The following UNC5D variants were observed in gnomAD, a reference collection of about 807,000 sequenced individuals.
UNC5D encodes the protein netrin receptor UNC5D.
Under a neutral mutation model 105.4 loss-of-function variants are expected in UNC5D, and 39 were observed. That is an observed-to-expected ratio of 0.37 (90% CI 0.29 to 0.48). UNC5D has a LOEUF of 0.48. Among genes scored for constraint, UNC5D ranks in the 20% least tolerant of loss-of-function variants. The probability of loss-of-function intolerance (pLI) is 0.98; values close to 1 mark genes in which losing one functional copy is unlikely to be tolerated. For synonymous variants in UNC5D, 452 were observed against 450.4 expected, an observed-to-expected ratio of 1.00 and a Z score of -0.04; for missense variants, 991 against 1,202.4, an observed-to-expected ratio of 0.82 and a Z score of 2.60.
At chr8:35,397,389 A>G (rs1804173146) in intron 1 of UNC5D, among the ~76,000 whole-genome samples, 1 of 152,228 alleles carries the variant, frequency 6.6e-6, no homozygotes, top group South Asian at 2.1e-4. Flanking sequence ...ACAAAATACA[A>G]GTTCCCAGAT....
At chr8:35,373,013 A>G (rs1412154409) in intron 1 of UNC5D, among the ~76,000 whole-genome samples, 1 of 152,162 alleles carries the variant, frequency 6.6e-6, no homozygotes, top group Admixed American at 6.5e-5. Context: ...GGTTTGCTTT[A>G]GTTTGGGGGC....
intron 13 of UNC5D, among the ~76,000 whole-genome samples, 194 bp downstream of exon 13, chr8:35,751,003 G>A (rs1429279085): frequency 6.6e-6 from 1 of 152,134 alleles, no homozygotes; most frequent in African/African-American, 2.4e-5. Flanking sequence ...GCAATAAAGA[G>A]TTATTCACGC....
chr8:35,622,067 G>A (rs1254835642), intron 4 of UNC5D, among the ~76,000 whole-genome samples: 1 of 152,064 alleles, frequency 6.6e-6, no homozygotes, highest in East Asian at 1.9e-4. Flanking sequence ...GAGGGGGCCG[G>A]GCGCGGTGGC....
intron 1 of UNC5D, among the ~76,000 whole-genome samples, chr8:35,501,850 G>T (rs1454154095): frequency 6.6e-6 from 1 of 152,144 alleles, no homozygotes; most frequent in Non-Finnish European, 1.5e-5. Flanking sequence ...ATAAAACTTT[G>T]TGTGTTGAAG....
At chr8:35,644,975 T>G (rs1283912732) in intron 4 of UNC5D, among the ~76,000 whole-genome samples, 1 of 152,116 alleles carries the variant, frequency 6.6e-6, no homozygotes, top group African/African-American at 2.4e-5. Context: ...TAAATAAAGG[T>G]CTTTGTCTTC....
intron 1 of UNC5D, among the ~76,000 whole-genome samples, chr8:35,529,182 G>T (rs1163442947): frequency 7.5e-6 from 1 of 132,874 alleles, no homozygotes; most frequent in Non-Finnish European, 1.5e-5. Flanking sequence ...ATGGTTTTAG[G>T]TCTAACGTTT....
At chr8:35,306,883 C>A (rs1386833778) in intron 1 of UNC5D, among the ~76,000 whole-genome samples, 1 of 152,066 alleles carries the variant, frequency 6.6e-6, no homozygotes, top group African/African-American at 2.4e-5. Flanking sequence ...CAGATTCATG[C>A]TGTTTCATTG....
rs903713342 is a variant in UNC5D, at chr8:35,593,086, C to A, written c.467-2468C>A. Among the ~76,000 whole-genome samples the A allele has an allele frequency of 5.4e-4, 78 of 144,842 alleles. No individual in the cohort carries two copies. The East Asian group carries it at 9.2e-3, about 17-fold the overall frequency. On this transcript the variant is annotated intron_variant, in intron 3 of 16. Transcript: ENST00000404895. ...ACACACACACACACACACACACACACAAATATGTAAATTATACAAACGTGT... is the reference window on the plus strand; with the variant it reads ...ACACACACACACACACACACACACAAAAATATGTAAATTATACAAACGTGT...
chr8:35,518,151 A>T (rs1813228618), intron 1 of UNC5D, among the ~76,000 whole-genome samples: 1 of 152,184 alleles, frequency 6.6e-6, no homozygotes, highest in Non-Finnish European at 1.5e-5. Context: ...TTTAACCTTG[A>T]CAACAATTAT....
chr8:35,430,702 A>G (rs1179536055), intron 1 of UNC5D, among the ~76,000 whole-genome samples: 1 of 152,164 alleles, frequency 6.6e-6, no homozygotes, highest in African/African-American at 2.4e-5. Context: ...GGGTGGGGGA[A>G]AAACCTCCAC....
At chr8:35,681,192 G>T (rs1220391976) in intron 4 of UNC5D, among the ~76,000 whole-genome samples, 1 of 152,190 alleles carries the variant, frequency 6.6e-6, no homozygotes, top group Non-Finnish European at 1.5e-5. Context: ...TCATGGCAGG[G>T]CAGGGTCTTA....
chr8:35,390,957 G>A (rs1025368511), intron 1 of UNC5D, among the ~76,000 whole-genome samples: 7 of 152,232 alleles, frequency 4.6e-5, no homozygotes, highest in Admixed American at 3.9e-4. Context: ...CAATGTCCAA[G>A]TACTTTAAGG....
chr8:35,579,837 AAACTCTC>A (rs1411374205), intron 3 of UNC5D, among the ~76,000 whole-genome samples: 1 of 152,200 alleles, frequency 6.6e-6, no homozygotes, highest in Non-Finnish European at 1.5e-5. Context: ...CATACTTTCC[AAACTCTC>A]AACCCTCCCA....
At chr8:35,367,631 T>TATAAA (rs559142904) in intron 1 of UNC5D, among the ~76,000 whole-genome samples, 1 of 151,168 alleles carries the variant, frequency 6.6e-6, no homozygotes, top group African/African-American at 2.5e-5. Context: ...AATGGTATAA[T>TATAAA]ATGGCAAATA....
At chr8:35,577,755 T>C (rs1033471705) in intron 3 of UNC5D, among the ~76,000 whole-genome samples, 4 of 152,180 alleles carry the variant, frequency 2.6e-5, no homozygotes, top group Admixed American at 2.0e-4. Context: ...AAGATACTTA[T>C]TAATTACAAA....
intron 1 of UNC5D, among the ~76,000 whole-genome samples, chr8:35,271,115 A>G (rs947173023): frequency 6.6e-6 from 1 of 151,096 alleles, no homozygotes; most frequent in Non-Finnish European, 1.5e-5. Context: ...GAAAATAAGC[A>G]TCCTTAACAG....
chr8:35,698,412 A>G (rs1481434535), intron 7 of UNC5D, among the ~76,000 whole-genome samples: 1 of 151,936 alleles, frequency 6.6e-6, no homozygotes, highest in African/African-American at 2.4e-5. Context: ...TTATCTCTCC[A>G]TGTCCTCCAT....
At chr8:35,552,993 G>A (rs1816277962) in intron 2 of UNC5D, among the ~76,000 whole-genome samples, 1 of 152,128 alleles carries the variant, frequency 6.6e-6, no homozygotes, top group African/African-American at 2.4e-5. Context: ...GGCTCACTGG[G>A]GCTGTATGTT....
intron 1 of UNC5D, among the ~76,000 whole-genome samples, chr8:35,345,241 C>A (rs1284322120): frequency 6.6e-6 from 1 of 151,968 alleles, no homozygotes; most frequent in Non-Finnish European, 1.5e-5. Flanking sequence ...TATTCCTGAC[C>A]TGCTGTGTCT....
Sources: gnomAD v4.1 joint callset for allele counts (sites outside exome capture counted in the v4.1 genomes callset) on GRCh38, gnomAD v4.1.1 for gene constraint, MANE v1.5 for transcripts, NCBI Gene and HGNC (gene_info 2026-07-23, HGNC 2026-07-21) for gene names.